Variants in RAB6B observed in about 807,000 individuals in gnomAD.
RAB6B encodes RAB6B, member RAS oncogene family.
RAB6B carries 7 observed loss-of-function variants against 31.2 expected under a neutral mutation model. The observed-to-expected ratio is 0.22, with a 90% confidence interval of 0.13 to 0.42. The LOEUF (loss-of-function observed/expected upper bound fraction) is 0.42, where lower values mean the gene tolerates loss of function less well. RAB6B is among the 10% of genes least tolerant of loss of function. RAB6B has a pLI of 1.00. For missense variants in RAB6B, 149 were observed against 280.6 expected (o/e 0.53, Z 3.35); for synonymous variants, 105 against 104.9 (o/e 1.00, Z -0.01).
At chr3:133,846,988 T>G (rs1935916188) in intron 2 of RAB6B, among the ~76,000 whole-genome samples, 1 of 152,202 alleles carries the variant, frequency 6.6e-6, no homozygotes, top group Non-Finnish European at 1.5e-5. Context: ...AGATGGAAAT[T>G]AGAATCTTCA....
chr3:133,829,366 T>C (rs1935622710), intron 7 of RAB6B, among the ~76,000 whole-genome samples: 2 of 152,194 alleles, frequency 1.3e-5, no homozygotes, highest in African/African-American at 2.4e-5. Context: ...GCCACATCCA[T>C]GGGGCCTAAG....
chr3:133,871,453 C>G (rs371147890), intron 1 of RAB6B, among the ~76,000 whole-genome samples: 17 of 152,348 alleles, frequency 1.1e-4, no homozygotes, highest in African/African-American at 2.2e-4. Context: ...TGAGATTCCT[C>G]TGCTTAAAAT....
At chr3:133,889,427 T>TATATAC (rs1936603325) in intron 1 of RAB6B, among the ~76,000 whole-genome samples, 1 of 69,688 alleles carries the variant, frequency 1.4e-5, no homozygotes, top group Non-Finnish European at 2.9e-5. Context: ...TATATATATA[T>TATATAC]ATATATATAT....
chr3:133,885,258 CA>C (rs1370523399), intron 1 of RAB6B, among the ~76,000 whole-genome samples: 8 of 150,764 alleles, frequency 5.3e-5, no homozygotes, highest in Admixed American at 4.6e-4. Context: ...CTCACACACC[CA>C]ATGACCAGAG....
At chr3:133,867,931 C>T (rs562673845) in intron 1 of RAB6B, among the ~76,000 whole-genome samples, 21 of 152,268 alleles carry the variant, frequency 1.4e-4, no homozygotes, top group African/African-American at 4.8e-4. Context: ...CCTCAGAGCC[C>T]GCTAAGACTA....
At chr3:133,858,015 G>A (rs1385329793) in intron 2 of RAB6B, among the ~76,000 whole-genome samples, 1 of 152,008 alleles carries the variant, frequency 6.6e-6, no homozygotes, top group African/African-American at 2.4e-5. Flanking sequence ...TGCCACCCCT[G>A]GTCCCGGCCC....
In RAB6B at chr3:133,828,397, A is replaced by T; in HGVS notation, c.*391T>A. On this transcript the variant is annotated 3_prime_UTR_variant, in exon 8 of 8. Transcript: ENST00000285208. ...TGGTTCAAAGAGAACAGGAAGGAGG[A>T]GGTGTGTGGAAAAGGTTCTCTATAA... 1 of 356,400 alleles carries T rather than the reference A, an allele frequency of 2.8e-6. No individual in the cohort carries two copies. The highest frequency in any genetic ancestry group is 5.1e-6 in the Non-Finnish European group (1 of 195,680). The allele number at this position is 356,400 out of a possible 1,614,324, so 22.1% of individuals were successfully genotyped here.
chr3:133,865,513 A>C (rs553279671), intron 1 of RAB6B, among the ~76,000 whole-genome samples: 1 of 152,330 alleles, frequency 6.6e-6, no homozygotes, highest in South Asian at 2.1e-4. Flanking sequence ...GAGGGCAGTC[A>C]AGGGACATTC....
rs1019851126 is a variant in RAB6B at position 133,828,540 on chromosome 3, G to A, written c.*248C>T. 1 of 482,692 alleles carries A rather than the reference G, an allele frequency of 2.1e-6. No homozygotes were observed. 29.9% of individuals were successfully genotyped at this position (482,692 alleles called of 1,614,324 possible). On this transcript the variant is annotated 3_prime_UTR_variant, in exon 8 of 8. Coordinates refer to ENST00000285208, the MANE Select transcript of RAB6B (RefSeq NM_016577.4). Reference sequence around the variant, plus strand: ...TTTTTTTAAATTTTAACAGTTTTTGGCAATCTTAATAAAGTACAATATATT... The same window carrying A: ...TTTTTTTAAATTTTAACAGTTTTTGACAATCTTAATAAAGTACAATATATT...
intron 2 of RAB6B, among the ~76,000 whole-genome samples, chr3:133,858,332 T>C (rs931448642): frequency 2.0e-5 from 3 of 152,266 alleles, no homozygotes; most frequent in African/African-American, 7.2e-5. Flanking sequence ...AATGTAGCTG[T>C]AAAAATATAA....
intron 1 of RAB6B, among the ~76,000 whole-genome samples, chr3:133,882,041 G>A (rs1559913219): frequency 6.6e-6 from 1 of 152,226 alleles, no homozygotes; most frequent in Admixed American, 6.5e-5. Context: ...TGTCAGCTGG[G>A]CTACATTTCT....
chr3:133,858,959 T>G (rs769238204), intron 2 of RAB6B, among the ~76,000 whole-genome samples: 5 of 152,078 alleles, frequency 3.3e-5, no homozygotes, highest in Non-Finnish European at 7.4e-5. Flanking sequence ...GTAGCAAATA[T>G]GTATGTATGT....
intron 2 of RAB6B, among the ~76,000 whole-genome samples, chr3:133,846,740 A>G (rs1021566479): frequency 2.0e-5 from 3 of 152,240 alleles, no homozygotes; most frequent in Admixed American, 2.0e-4. Context: ...ATTATAGTTG[A>G]TTTATCATCA....
At chr3:133,894,362 A>C (rs1181245533) in intron 1 of RAB6B, 1 of 152,290 alleles carries the variant, frequency 6.6e-6, no homozygotes, top group Admixed American at 6.5e-5. Context: ...CCTGCCCTTC[A>C]ATCTGGGCTT....
At chr3:133,890,077 A>C (rs1374090400) in intron 1 of RAB6B, among the ~76,000 whole-genome samples, 4 of 152,160 alleles carry the variant, frequency 2.6e-5, no homozygotes, top group African/African-American at 9.7e-5. Flanking sequence ...GCCACTGAGG[A>C]AAGGAGAAAA....
At chr3:133,843,649 G>A (rs765934803) in intron 2 of RAB6B, among the ~76,000 whole-genome samples, 1 of 152,136 alleles carries the variant, frequency 6.6e-6, no homozygotes, top group African/African-American at 2.4e-5. Context: ...CAGAATTCTG[G>A]GTGTGCAGAT....
At chr3:133,857,296 G>C (rs1936094851) in intron 2 of RAB6B, among the ~76,000 whole-genome samples, 2 of 151,994 alleles carry the variant, frequency 1.3e-5, no homozygotes, top group African/African-American at 4.8e-5. Context: ...TGATAGACGG[G>C]CTAAATTCCA....
intron 4 of RAB6B, 98 bp from the exon 5 acceptor site, chr3:133,839,715 C>A: frequency 1.1e-6 from 1 of 871,390 alleles, no homozygotes; most frequent in Non-Finnish European, 2.0e-6. Context: ...GGAGGGTGAG[C>A]ATGTGCCCTC....
chr3:133,893,613 C>T (rs1936666686), intron 1 of RAB6B, among the ~76,000 whole-genome samples: 1 of 152,184 alleles, frequency 6.6e-6, no homozygotes, highest in Admixed American at 6.5e-5. Context: ...TGCTGAGAAC[C>T]TACCAGGGGC....
Sources: allele counts gnomAD v4.1 joint callset (sites outside exome capture counted in the v4.1 genomes callset), GRCh38; gene constraint gnomAD v4.1.1; transcripts MANE v1.5; gene names NCBI Gene and HGNC (gene_info 2026-07-23, HGNC 2026-07-21).